The following OTUD7A variants were observed in gnomAD, a reference collection of about 807,000 sequenced individuals.
OTUD7A encodes OTU domain-containing protein 7A.
A neutral mutation model predicts 65.7 loss-of-function variants in OTUD7A; 12 were observed. The observed-to-expected ratio is 0.18, with a 90% CI of 0.12 to 0.30. The LOEUF is 0.30. OTUD7A is among the 10% of genes least tolerant of loss of function. The pLI, the probability that OTUD7A is intolerant of heterozygous loss-of-function variation, is 1.00. For synonymous variants in OTUD7A, 641 were observed against 586.3 expected, an observed-to-expected ratio of 1.09 and a Z score of -1.35; for missense variants, 1,148 against 1,304.8, an observed-to-expected ratio of 0.88 and a Z score of 1.85.
intron 5 of OTUD7A, among the ~76,000 whole-genome samples, chr15:31,552,322 G>T (rs1284484243): frequency 6.6e-6 from 1 of 152,138 alleles, no homozygotes; most frequent in East Asian, 1.9e-4. Flanking sequence ...ATGCAAATGG[G>T]CTATGACAAT....
intron 1 of OTUD7A, among the ~76,000 whole-genome samples, chr15:31,747,974 GC>G (rs1294576757): frequency 6.6e-6 from 1 of 152,134 alleles, no homozygotes; most frequent in African/African-American, 2.4e-5. Context: ...ACTTGTCCAT[GC>G]TCTTGGAAAA....
At chr15:31,530,169 G>C (rs1447552158) in intron 6 of OTUD7A, among the ~76,000 whole-genome samples, 3 of 152,298 alleles carry the variant, frequency 2.0e-5, no homozygotes, top group Middle Eastern at 3.4e-3. Flanking sequence ...ACCTACGTCT[G>C]TTTCCATTAG....
At chr15:31,748,733 T>A (rs762688997) in intron 1 of OTUD7A, among the ~76,000 whole-genome samples, 1 of 152,152 alleles carries the variant, frequency 6.6e-6, no homozygotes, top group Non-Finnish European at 1.5e-5. Flanking sequence ...TATTACTCAA[T>A]GGAAATACAT....
At chr15:31,756,464 G>A (rs1172112552) in intron 1 of OTUD7A, among the ~76,000 whole-genome samples, 2 of 152,210 alleles carry the variant, frequency 1.3e-5, no homozygotes, top group Admixed American at 1.3e-4. Context: ...CATAAAGTCA[G>A]TGCTGACGCA....
chr15:31,789,309 T>C (rs1331845064), intron 1 of OTUD7A, among the ~76,000 whole-genome samples: 1 of 152,224 alleles, frequency 6.6e-6, no homozygotes, highest in Non-Finnish European at 1.5e-5. Context: ...CCTCTCCCAC[T>C]GTGGTGTTCC....
At chr15:31,534,946 T>C (rs900272710) in intron 5 of OTUD7A, among the ~76,000 whole-genome samples, 4 of 152,214 alleles carry the variant, frequency 2.6e-5, no homozygotes, top group South Asian at 4.1e-4. Flanking sequence ...TAAGTGGAAG[T>C]GGACCTGTGC....
chr15:31,765,512 T>C (rs1437481438), intron 1 of OTUD7A, among the ~76,000 whole-genome samples: 1 of 152,210 alleles, frequency 6.6e-6, no homozygotes, highest in Non-Finnish European at 1.5e-5. Flanking sequence ...CATGATAGCC[T>C]TACTGGATAG....
chr15:31,626,238 G>GA (rs1457487809), intron 3 of OTUD7A, among the ~76,000 whole-genome samples: 2 of 152,164 alleles, frequency 1.3e-5, no homozygotes, highest in East Asian at 3.9e-4. Context: ...TAGCCAGGCG[G>GA]AAACATTTAA....
intron 1 of OTUD7A, among the ~76,000 whole-genome samples, chr15:31,794,164 T>G (rs1895890228): frequency 6.6e-6 from 1 of 152,212 alleles, no homozygotes; most frequent in African/African-American, 2.4e-5. Context: ...TAATAGAAGC[T>G]TACCCTGTGG....
At chr15:31,643,847 G>T (rs558312647) in intron 3 of OTUD7A, among the ~76,000 whole-genome samples, 1 of 152,230 alleles carries the variant, frequency 6.6e-6, no homozygotes, top group Non-Finnish European at 1.5e-5. Context: ...AGTTAGGGCA[G>T]AGAGTCCTTG....
Position 31,483,184 on chromosome 15 carries a change from A to T in OTUD7A, c.*110T>A, listed in dbSNP as rs957229031. The T allele has an allele frequency of 6.1e-6, 6 of 982,020 alleles. No homozygotes were observed. The highest frequency in any genetic ancestry group is 7.3e-6 in the Non-Finnish European group (6 of 817,362). The allele number at this position is 982,020 out of a possible 1,614,324, so 60.8% of individuals were successfully genotyped here. On this transcript the variant is annotated 3_prime_UTR_variant, in exon 13 of 13. Transcript: ENST00000307050. The stretch of plus-strand genomic sequence containing the variant: ...GACCAAACACGTACACGGCACTGAC[A>T]GAGGAGGCGCCGGCCTTCCGGTGGA...
At chr15:31,836,678 G>T (rs1595803600) in intron 1 of OTUD7A, among the ~76,000 whole-genome samples, 1 of 152,216 alleles carries the variant, frequency 6.6e-6, no homozygotes, top group Admixed American at 6.5e-5. Context: ...GGGATGCAAG[G>T]CTAGTTTGAT....
intron 10 of OTUD7A, among the ~76,000 whole-genome samples, chr15:31,495,276 C>A (rs570166565): frequency 1.1e-4 from 16 of 152,282 alleles, no homozygotes; most frequent in African/African-American, 3.9e-4. Flanking sequence ...GGGCATGAAC[C>A]AATCAGCAGA....
rs140376434 is a variant in OTUD7A at position 31,697,904 on chromosome 15, T to C, written c.-99-40827A>G. Among the ~76,000 whole-genome samples, 179 of 152,228 alleles carry C rather than the reference T, an allele frequency of 1.2e-3. 1 individual carries two copies. Among genetic ancestry groups the C allele is most frequent in the African/African-American group, 4.2e-3 (175 of 41,524 alleles). On this transcript the variant is annotated intron_variant, in intron 1 of 12. Coordinates refer to ENST00000307050, the MANE Select transcript of OTUD7A (RefSeq NM_001382637.1). ...CAGCTTGAAGACACTGGTCACCTTA[T>C]CTCCACAGCTCCTGAAGCCCCAGAG... is the stretch of plus-strand genomic sequence containing the variant.
chr15:31,522,184 G>A (rs2041946747), intron 8 of OTUD7A, among the ~76,000 whole-genome samples: 1 of 152,198 alleles, frequency 6.6e-6, no homozygotes, highest in Non-Finnish European at 1.5e-5. Context: ...CATTTTGGGT[G>A]AGATTAGCAT....
At chr15:31,491,854 G>T (rs1163709765) in intron 10 of OTUD7A, among the ~76,000 whole-genome samples, 1 of 151,832 alleles carries the variant, frequency 6.6e-6, no homozygotes, top group Non-Finnish European at 1.5e-5. Flanking sequence ...ATAATGGAGT[G>T]ACATTTTTAA....
At chr15:31,504,690 C>CTGAGGGAGTCTGTGA (rs533327270) in intron 8 of OTUD7A, among the ~76,000 whole-genome samples, 79 of 28,502 alleles carry the variant, frequency 2.8e-3, no homozygotes, top group East Asian at 0.015. Flanking sequence ...TCAGAATTAG[C>CTGAGGGAGTCTGTGA]TGACGGCAGC....
intron 1 of OTUD7A, among the ~76,000 whole-genome samples, chr15:31,749,083 A>G (rs184295916): frequency 1.5e-3 from 214 of 146,482 alleles, no homozygotes; most frequent in Middle Eastern, 6.9e-3. Flanking sequence ...GTGGGAATTG[A>G]ACAATGAGAA....
At chr15:31,559,713 T>C (rs1392599149) in intron 4 of OTUD7A, among the ~76,000 whole-genome samples, 1 of 152,158 alleles carries the variant, frequency 6.6e-6, no homozygotes, top group East Asian at 1.9e-4. Context: ...CTACAGACTA[T>C]ACACATACTA....
Sources: gnomAD v4.1 joint callset for allele counts (sites outside exome capture counted in the v4.1 genomes callset) on GRCh38, gnomAD v4.1.1 for gene constraint, MANE v1.5 for transcripts, NCBI Gene and HGNC (gene_info 2026-07-23, HGNC 2026-07-21) for gene names.